Variants in DNM1L observed in about 807,000 individuals in gnomAD.
DNM1L encodes dynamin-1-like protein.
DNM1L carries 33 observed loss-of-function variants against 92.8 expected under a neutral mutation model. That is an observed-to-expected ratio of 0.36 (90% CI 0.27 to 0.48). The LOEUF is 0.48. Ranked by LOEUF, DNM1L falls within the 20% of genes least tolerant of loss-of-function variation. DNM1L has a pLI of 0.99. For missense variants in DNM1L, 485 were observed against 888.8 expected (o/e 0.55, Z 5.78); for synonymous variants, 284 against 305.0 (o/e 0.93, Z 0.72).
chr12:32,682,057 T>G (rs2137196565), intron 1 of DNM1L, among the ~76,000 whole-genome samples: 1 of 152,106 alleles, frequency 6.6e-6, no homozygotes, highest in Admixed American at 6.6e-5. Flanking sequence ...ATCCATACCT[T>G]AAATGGCTTC....
chr12:32,700,701 A>G lies in DNM1L; in HGVS notation c.103-714A>G, dbSNP rs549445233. Among the ~76,000 whole-genome samples the G allele has an allele frequency of 4.6e-5, 7 of 152,212 alleles. No homozygotes were observed. The South Asian group carries it at 1.4e-3, about 32-fold the overall frequency. ...GTCAAGGCTGCAATAAGCTGTGATCACACCACTGCACTCTAGCCTGGGTAA... is the reference window on the plus strand; with the variant it reads ...GTCAAGGCTGCAATAAGCTGTGATCGCACCACTGCACTCTAGCCTGGGTAA... On this transcript the variant is annotated intron_variant, in intron 1 of 19. Transcript: ENST00000549701.
At chr12:32,708,692 C>CT (rs1421140179) in intron 4 of DNM1L, among the ~76,000 whole-genome samples, 1 of 150,136 alleles carries the variant, frequency 6.7e-6, no homozygotes, top group Non-Finnish European at 1.5e-5. Flanking sequence ...ATTTTTTTTT[C>CT]TTTTTTTTAG....
intron 6 of DNM1L, among the ~76,000 whole-genome samples, chr12:32,717,513 C>CG (rs1448959675): frequency 8.9e-6 from 1 of 111,982 alleles, no homozygotes; most frequent in Non-Finnish European, 1.7e-5. Context: ...ATATTTTAGA[C>CG]GGAGTCCTGC....
At chr12:32,689,740 G>A (rs906863995) in intron 1 of DNM1L, among the ~76,000 whole-genome samples, 2 of 152,094 alleles carry the variant, frequency 1.3e-5, no homozygotes, top group African/African-American at 4.8e-5. Context: ...TGGTTAATGT[G>A]GTATGAATGA....
intron 15 of DNM1L, 112 bp downstream of exon 15, chr12:32,738,054 G>A: frequency 8.1e-7 from 1 of 1,240,640 alleles, no homozygotes; most frequent in Non-Finnish European, 1.2e-6. Context: ...CTGTGCTAAG[G>A]TCAGATCACT....
At chr12:32,726,144 A>T (rs1954126223) in intron 9 of DNM1L, among the ~76,000 whole-genome samples, 1 of 152,196 alleles carries the variant, frequency 6.6e-6, no homozygotes. Context: ...AGAAGAACCA[A>T]ATTATGTAGC....
chr12:32,742,585 G>A lies in DNM1L; in HGVS notation c.1995-4G>A. On this transcript the variant is annotated splice_polypyrimidine_tract_variant and splice_region_variant and intron_variant, in intron 18 of 19. Coordinates refer to ENST00000549701, the MANE Select transcript of DNM1L (RefSeq NM_012062.5). ...AAATTCCATAATTTGGTTGTGTTTT[G>A]CAGTGTGCCAAAGGCAGTAATGCAT... The A allele has an allele frequency of 6.2e-7, 1 of 1,613,986 alleles. No homozygotes were observed. The highest frequency in any genetic ancestry group is 8.5e-7 in the Non-Finnish European group (1 of 1,179,952).
intron 6 of DNM1L, among the ~76,000 whole-genome samples, chr12:32,717,341 CTATATATTATATATAGTATA>C (rs1953466073): frequency 2.4e-5 from 2 of 82,946 alleles, no homozygotes; most frequent in Non-Finnish European, 4.3e-5. Context: ...TTTATATATA[CTATATATTATATATAGTATA>C]TATAATATAT....
intron 1 of DNM1L, among the ~76,000 whole-genome samples, chr12:32,689,891 A>C (rs1592569360): frequency 6.6e-6 from 1 of 152,256 alleles, no homozygotes; most frequent in Non-Finnish European, 1.5e-5. Context: ...AGTTTGGAAG[A>C]AACTAAAACT....
intron 1 of DNM1L, among the ~76,000 whole-genome samples, chr12:32,691,667 C>A (rs1038976745): frequency 6.6e-6 from 1 of 152,106 alleles, no homozygotes; most frequent in Non-Finnish European, 1.5e-5. Flanking sequence ...TCTGTTACAA[C>A]CTGTCCTAAA....
rs530747106 is a variant in DNM1L at position 32,697,732 on chromosome 12, GC to G, written c.103-3682del. ...AAAAGCTAATGTTTCAACTCAAGGAGCTTTTTTAAAGAACAGATAAACCCTC... is the reference window on the plus strand; with the variant it reads ...AAAAGCTAATGTTTCAACTCAAGGAGTTTTTTAAAGAACAGATAAACCCTC... On this transcript the variant is annotated intron_variant, in intron 1 of 19. Transcript: ENST00000549701. Among the ~76,000 whole-genome samples the G allele has an allele frequency of 1.5e-3, 224 of 151,422 alleles. 1 individual carries two copies. The highest frequency in any genetic ancestry group is 2.1e-3 in the Non-Finnish European group (140 of 67,866).
intron 17 of DNM1L, 52 bp downstream of exon 17, chr12:32,740,292 G>C (rs1955197499): frequency 6.2e-7 from 1 of 1,613,190 alleles, no homozygotes; most frequent in African/African-American, 1.3e-5. Flanking sequence ...CAAGTTAGTA[G>C]GAAAACGATT....
At chr12:32,724,871 C>CT (rs1954030812) in intron 9 of DNM1L, among the ~76,000 whole-genome samples, 1 of 151,336 alleles carries the variant, frequency 6.6e-6, no homozygotes, top group Non-Finnish European at 1.5e-5. Flanking sequence ...CTGAATATGC[C>CT]TTAACACATC....
rs35300066 is a variant in DNM1L, at chr12:32,712,981, C to T, written c.457-228C>T. ...TCTAGCCAATCAACATTGACCAGTT[C>T]TTAACATGGGACTGTATTAAATCAA... On this transcript the variant is annotated intron_variant, in intron 5 of 19. Transcript: ENST00000549701. Among the ~76,000 whole-genome samples, 3,871 of 152,196 alleles carry T rather than the reference C, an allele frequency of 0.025. 80 individuals carry two copies. The highest frequency in any genetic ancestry group is 0.044 in the Middle Eastern group (13 of 294).
chr12:32,724,654 A>T, intron 9 of DNM1L, among the ~76,000 whole-genome samples: 1 of 142,792 alleles, frequency 7.0e-6, no homozygotes, highest in Admixed American at 7.1e-5. Context: ...TAAATATTTA[A>T]TATATATATA....
At chr12:32,719,149 C>T (rs1380270999) in intron 7 of DNM1L, among the ~76,000 whole-genome samples, 2 of 152,010 alleles carry the variant, frequency 1.3e-5, no homozygotes, top group African/African-American at 2.4e-5. Context: ...CAAGGTCTTG[C>T]CATGTTGCCC....
intron 1 of DNM1L, among the ~76,000 whole-genome samples, chr12:32,680,212 T>A (rs576964154): frequency 2.0e-5 from 3 of 148,420 alleles, no homozygotes; most frequent in Admixed American, 6.7e-5. Flanking sequence ...AGCTAACTCA[T>A]TTTTTTTTGA....
intron 1 of DNM1L, among the ~76,000 whole-genome samples, chr12:32,698,455 T>C (rs1952561985): frequency 6.6e-6 from 1 of 152,204 alleles, no homozygotes; most frequent in African/African-American, 2.4e-5. Context: ...GTTCTCTTGT[T>C]ACTAGCCTGG....
At chr12:32,726,507 T>C in intron 9 of DNM1L, 1 of 1,059,690 alleles carries the variant, frequency 9.4e-7, no homozygotes, top group Non-Finnish European at 1.5e-6. Context: ...ATCATCATCA[T>C]CTTCAGTAGC....
Sources: gnomAD v4.1 joint callset for allele counts (sites outside exome capture counted in the v4.1 genomes callset) on GRCh38, gnomAD v4.1.1 for gene constraint, MANE v1.5 for transcripts, NCBI Gene and HGNC (gene_info 2026-07-23, HGNC 2026-07-21) for gene names.